Variants in MATN2 observed in about 807,000 individuals in gnomAD.
MATN2 encodes matrilin-2.
Under a neutral mutation model 103.2 loss-of-function variants are expected in MATN2, and 69 were observed. The ratio of observed to expected loss-of-function variants is 0.67; its 90% CI spans 0.55 to 0.82. MATN2 has a LOEUF of 0.82. Among genes scored for constraint, MATN2 ranks in the 40% least tolerant of loss-of-function variants. The pLI is 0.00. For missense variants in MATN2, 1,023 were observed against 1,211.5 expected, an observed-to-expected ratio of 0.84 and a Z score of 2.31; for synonymous variants, 429 against 450.2, an observed-to-expected ratio of 0.95 and a Z score of 0.60.
At chr8:97,926,313 G>C (rs146915994) in intron 2 of MATN2, among the ~76,000 whole-genome samples, 41 of 152,330 alleles carry the variant, frequency 2.7e-4, no homozygotes, top group South Asian at 2.3e-3. Context: ...ATCAGAACCA[G>C]TTGTCAGCAT....
At chr8:98,033,725 C>A in intron 18 of MATN2, 66 bp downstream of exon 18, 1 of 1,052,492 alleles carries the variant, frequency 9.5e-7, no homozygotes, top group Non-Finnish European at 1.4e-6. Flanking sequence ...TTCACACACT[C>A]TATGTAGGTT....
At chr8:97,904,589 T>G (rs557028308) in intron 2 of MATN2, among the ~76,000 whole-genome samples, 1 of 152,334 alleles carries the variant, frequency 6.6e-6, no homozygotes, top group East Asian at 1.9e-4. Context: ...CTCGCATATG[T>G]GAAAAAGCCG....
intron 2 of MATN2, among the ~76,000 whole-genome samples, chr8:97,906,942 G>A (rs1045494117): frequency 1.3e-5 from 2 of 151,462 alleles, no homozygotes; most frequent in Non-Finnish European, 2.9e-5. Flanking sequence ...TGTCAGCCTT[G>A]GCTCCTGAAC....
chr8:97,979,529 A>T lies in MATN2; in HGVS notation c.1081+521A>T, dbSNP rs948373567. On this transcript the variant is annotated intron_variant, in intron 6 of 18. Coordinates refer to ENST00000254898, the MANE Select transcript of MATN2 (RefSeq NM_002380.5). ...ATACATAAAAATCAGAATTAATTTC[A>T]GCTCCCAAAATTTGAACATAAAATT... 5.3e-5 allele frequency among the ~76,000 whole-genome samples: 8 copies of T among 152,012 alleles called. No homozygotes were observed. In the East Asian group the frequency reaches 7.7e-4, roughly 15 times the overall value.
intron 1 of MATN2, among the ~76,000 whole-genome samples, chr8:97,878,280 A>G (rs1028589074): frequency 1.3e-5 from 2 of 152,184 alleles, no homozygotes; most frequent in African/African-American, 4.8e-5. Context: ...CAGGAAAAAT[A>G]GGAGCCAGGC....
chr8:97,992,219 G>A (rs1255432026), intron 6 of MATN2, among the ~76,000 whole-genome samples: 2 of 152,238 alleles, frequency 1.3e-5, no homozygotes, highest in Admixed American at 6.5e-5. Flanking sequence ...TCAGAGAGAT[G>A]ACCAAGTAAT....
At chr8:98,009,395 G>C (rs1813082153) in intron 10 of MATN2, among the ~76,000 whole-genome samples, 1 of 152,194 alleles carries the variant, frequency 6.6e-6, no homozygotes, top group South Asian at 2.1e-4. Flanking sequence ...GCACCTATTT[G>C]GTAAAGCCTT....
At chr8:97,940,373 G>A (rs1563680607) in intron 3 of MATN2, among the ~76,000 whole-genome samples, 1 of 152,206 alleles carries the variant, frequency 6.6e-6, no homozygotes, top group African/African-American at 2.4e-5. Flanking sequence ...GTTTCACCCT[G>A]AAGTAAAAAT....
At chr8:98,008,625 G>A (rs1563723557) in intron 10 of MATN2, among the ~76,000 whole-genome samples, 1 of 152,160 alleles carries the variant, frequency 6.6e-6, no homozygotes, top group Non-Finnish European at 1.5e-5. Flanking sequence ...ATAGCTTTCG[G>A]TGGCTCCCTG....
chr8:97,870,889 T>C (rs914675110), intron 1 of MATN2, among the ~76,000 whole-genome samples: 6 of 152,378 alleles, frequency 3.9e-5, no homozygotes, highest in Non-Finnish European at 7.3e-5. Flanking sequence ...GAGATACTTA[T>C]GGCTCTTCAC....
chr8:97,898,765 T>C (rs1189213482), intron 2 of MATN2, among the ~76,000 whole-genome samples: 2 of 152,084 alleles, frequency 1.3e-5, no homozygotes, highest in African/African-American at 4.8e-5. Context: ...AACTTGCTGT[T>C]TTCTCTACTT....
intron 6 of MATN2, among the ~76,000 whole-genome samples, chr8:97,979,843 C>G (rs531995127): frequency 6.6e-6 from 1 of 152,138 alleles, no homozygotes; most frequent in Non-Finnish European, 1.5e-5. Flanking sequence ...AGTTCATGTA[C>G]CTACAACCTT....
At chr8:97,967,234 T>G (rs975881593) in intron 5 of MATN2, among the ~76,000 whole-genome samples, 1 of 152,178 alleles carries the variant, frequency 6.6e-6, no homozygotes, top group Admixed American at 6.5e-5. Context: ...AACATCAGAT[T>G]TGGAGGCAAT....
In MATN2 at chr8:97,888,213, C is replaced by A; in HGVS notation, c.113C>A (p.Ala38Asp). 6.3e-7 allele frequency: 1 copy of A among 1,585,390 alleles called. No individual in the cohort carries two copies. Among genetic ancestry groups the A allele is most frequent in the Admixed American group, 1.8e-5 (1 of 56,308 alleles). Reference sequence around the variant, plus strand: ...AGGTCCATCTCTAGGGGCAGACACGCTCGGACCCACCCGCAGACGGCCCTT... The same window carrying A: ...AGGTCCATCTCTAGGGGCAGACACGATCGGACCCACCCGCAGACGGCCCTT... ...RGRSISRGRHARTHPQTALLE... is the reference protein window; with the variant it reads ...RGRSISRGRHDRTHPQTALLE... The change falls in exon 2 of 19, where the codon GCT (alanine) becomes GAT (aspartate). Residue 38 changes from alanine (A) to aspartate (D), a missense_variant. By Grantham distance (126) the Ala-to-Asp change is moderately radical (BLOSUM62 -2). Coordinates refer to ENST00000254898, the MANE Select transcript of MATN2 (RefSeq NM_002380.5).
At chr8:97,911,488 C>G (rs888950483) in intron 2 of MATN2, among the ~76,000 whole-genome samples, 8 of 151,952 alleles carry the variant, frequency 5.3e-5, no homozygotes, top group Non-Finnish European at 1.0e-4. Context: ...GCAGGCGGAT[C>G]ACGAGGTCAA....
intron 2 of MATN2, among the ~76,000 whole-genome samples, chr8:97,907,359 T>G (rs1307670465): frequency 6.7e-6 from 1 of 148,776 alleles, no homozygotes; most frequent in Non-Finnish European, 1.5e-5. Flanking sequence ...TCCTCCAGGC[T>G]GGAGTGCAGT....
At chr8:98,003,001 C>T (rs774071579) in intron 7 of MATN2, among the ~76,000 whole-genome samples, 1 of 152,108 alleles carries the variant, frequency 6.6e-6, no homozygotes, top group South Asian at 2.1e-4. Flanking sequence ...AGCCTCATCT[C>T]TCTCCTCACA....
intron 1 of MATN2, among the ~76,000 whole-genome samples, chr8:97,876,186 ATTTT>A (rs899171638): frequency 2.8e-5 from 3 of 106,294 alleles, no homozygotes; most frequent in Non-Finnish European, 1.9e-5. Context: ...TAATTATTGT[ATTTT>A]TTTTTTTTTT....
chr8:98,012,559 C>T (rs529850608), intron 10 of MATN2, among the ~76,000 whole-genome samples: 119 of 152,220 alleles, frequency 7.8e-4, no homozygotes, highest in Non-Finnish European at 1.1e-3. Flanking sequence ...GTACGGGGTA[C>T]TGAATGCGAG....
Sources: gnomAD v4.1 joint callset for allele counts (sites outside exome capture counted in the v4.1 genomes callset) on GRCh38, gnomAD v4.1.1 for gene constraint, MANE v1.5 for transcripts, NCBI Gene and HGNC (gene_info 2026-07-23, HGNC 2026-07-21) for gene names.